ESRRB: variants seen among roughly 807,000 people sequenced by gnomAD.
ESRRB encodes the protein estrogen related receptor beta, also known as steroid hormone receptor ERR2.
In ESRRB, 16 loss-of-function variants were observed where a neutral mutation model predicts 46.0. That is an observed-to-expected ratio of 0.35 (90% confidence interval 0.24 to 0.53). ESRRB has a LOEUF of 0.53. Among genes scored for constraint, ESRRB ranks in the 20% least tolerant of loss-of-function variants. ESRRB has a pLI of 0.93. For synonymous variants in ESRRB, 246 were observed against 259.6 expected, an observed-to-expected ratio of 0.95 and a Z score of 0.50; for missense variants, 488 against 607.4, an observed-to-expected ratio of 0.80 and a Z score of 2.07.
At chr14:76,340,269 C>T (rs963488537) in intron 1 of ESRRB, among the ~76,000 whole-genome samples, 13 of 152,218 alleles carry the variant, frequency 8.5e-5, no homozygotes, top group African/African-American at 2.4e-4. Context: ...TGGAACGAGG[C>T]GCAGAAAGTG....
At chr14:76,396,900 G>A (rs1292802695) in intron 1 of ESRRB, among the ~76,000 whole-genome samples, 6 of 152,236 alleles carry the variant, frequency 3.9e-5, no homozygotes, top group Admixed American at 2.6e-4. Flanking sequence ...GAGCCAGGCC[G>A]AGGGAGTCGC....
chr14:76,322,869 T>C (rs1033272827), intron 1 of ESRRB, among the ~76,000 whole-genome samples: 9 of 152,210 alleles, frequency 5.9e-5, no homozygotes, highest in African/African-American at 2.2e-4. Flanking sequence ...ATCACATTGC[T>C]GAGGAGAGTT....
intron 1 of ESRRB, among the ~76,000 whole-genome samples, chr14:76,343,338 T>C (rs1272672602): frequency 6.6e-6 from 1 of 152,230 alleles, no homozygotes; most frequent in Admixed American, 6.5e-5. Flanking sequence ...ATGATGCCAA[T>C]CAGTGTTTGA....
At chr14:76,377,399 T>A (rs923958331) in intron 1 of ESRRB, among the ~76,000 whole-genome samples, 2 of 152,166 alleles carry the variant, frequency 1.3e-5, no homozygotes. Flanking sequence ...CCGCTCCACC[T>A]GCTCGGGTAC....
rs879285347 is a variant in ESRRB, at chr14:76,347,438, A to AGAC, written c.2+36522_2+36523insGAC. ...AAGTGTGTGTGTGTGTGTGTGTCACACACACACACCGAGAAAACTAAATGA... is the reference window on the plus strand; with the variant it reads ...AAGTGTGTGTGTGTGTGTGTGTCACAGACCACACACACCGAGAAAACTAAATGA... On this transcript the variant is annotated intron_variant, in intron 1 of 6. Coordinates refer to the ESRRB transcript ENST00000512784. Among the ~76,000 whole-genome samples, 39 of 52,886 alleles carry AGAC rather than the reference A, an allele frequency of 7.4e-4. 2 individuals are homozygous for AGAC. The highest frequency in any genetic ancestry group is 1.7e-3 in the African/African-American group (37 of 21,272). The allele number at this position is 52,886 out of a possible 152,430, so 34.7% of individuals were successfully genotyped here. A position where few individuals can be genotyped will look rare whatever the true frequency, so the allele number is the denominator to read the frequency against.
At chr14:76,351,986 T>TAAAAAAAAAAAA (rs201356393) in intron 1 of ESRRB, among the ~76,000 whole-genome samples, 3 of 91,792 alleles carry the variant, frequency 3.3e-5, no homozygotes, top group East Asian at 2.9e-4. Flanking sequence ...CCCAGTCTCT[T>TAAAAAAAAAAAA]AAAAAAAAAA....
At chr14:76,461,558 G>A (rs922378645) in intron 2 of ESRRB, among the ~76,000 whole-genome samples, 3 of 151,534 alleles carry the variant, frequency 2.0e-5, no homozygotes, top group Non-Finnish European at 4.4e-5. Context: ...ACCCATGCTG[G>A]AGTGAAGTGG....
intron 1 of ESRRB, among the ~76,000 whole-genome samples, chr14:76,343,952 T>C (rs1212554625): frequency 1.3e-5 from 2 of 152,202 alleles, no homozygotes; most frequent in African/African-American, 4.8e-5. Context: ...TTAATTTAAG[T>C]GTAATGTGAA....
intron 1 of ESRRB, among the ~76,000 whole-genome samples, chr14:76,432,152 C>T (rs1331396588): frequency 6.6e-6 from 1 of 152,190 alleles, no homozygotes; most frequent in East Asian, 1.9e-4. Context: ...GTTTTGCTCC[C>T]AGGGAGACAT....
intron 1 of ESRRB, among the ~76,000 whole-genome samples, chr14:76,418,416 C>A (rs1156315278): frequency 6.6e-6 from 1 of 152,148 alleles, no homozygotes; most frequent in East Asian, 1.9e-4. Context: ...AGAAACTTAC[C>A]TTGGTACATT....
intron 1 of ESRRB, among the ~76,000 whole-genome samples, chr14:76,393,008 G>C (rs1393851340): frequency 6.6e-6 from 1 of 152,266 alleles, no homozygotes; most frequent in Non-Finnish European, 1.5e-5. Context: ...ATGTGGGGCA[G>C]GGAGGCACTG....
chr14:76,366,752 C>T (rs1466881740), upstream of ESRRB, among the ~76,000 whole-genome samples: 1 of 152,112 alleles, frequency 6.6e-6, no homozygotes, highest in Non-Finnish European at 1.5e-5. Flanking sequence ...ATGGTTCTAC[C>T]GCTTGGCTTT....
chr14:76,484,895 C>T (rs929922191), intron 5 of ESRRB, among the ~76,000 whole-genome samples: 4 of 152,190 alleles, frequency 2.6e-5, no homozygotes, highest in Non-Finnish European at 4.4e-5. Context: ...AGCCCCTTCA[C>T]GGGATTGCTG....
intron 1 of ESRRB, among the ~76,000 whole-genome samples, chr14:76,325,198 C>T (rs573405985): frequency 1.2e-4 from 18 of 152,212 alleles, no homozygotes; most frequent in African/African-American, 2.6e-4. Flanking sequence ...TCAGGTGATC[C>T]GCCCACCTTG....
chr14:76,322,605 A>G (rs1883880798), intron 1 of ESRRB, among the ~76,000 whole-genome samples: 1 of 152,154 alleles, frequency 6.6e-6, no homozygotes, highest in South Asian at 2.1e-4. Flanking sequence ...TTGAGACCTG[A>G]ACCTGGTAGT....
chr14:76,375,141 A>AT (rs1295215387), upstream of ESRRB, among the ~76,000 whole-genome samples: 5 of 148,070 alleles, frequency 3.4e-5, no homozygotes, highest in East Asian at 1.1e-3. Context: ...CCCCTTTTAA[A>AT]TAATTCTATA....
Position 76,408,278 on chromosome 14 carries a change from A to G in ESRRB, c.51-31063A>G, listed in dbSNP as rs371317255. On this transcript the variant is annotated intron_variant, in intron 1 of 6. Transcript: ENST00000644823. ...TTCCCATCTGTCCTTAAAGAACTTA[A>G]CTGTTAAATGATGTCCCAGGCTGGG... is the stretch of plus-strand genomic sequence containing the variant. Among the ~76,000 whole-genome samples the G allele has an allele frequency of 3.0e-4, 45 of 152,236 alleles. 1 individual carries two copies. In the South Asian group the frequency reaches 8.7e-3, roughly 30 times the overall value.
intron 1 of ESRRB, among the ~76,000 whole-genome samples, chr14:76,314,501 C>T (rs1343197464): frequency 1.3e-5 from 2 of 152,160 alleles, no homozygotes; most frequent in Non-Finnish European, 2.9e-5. Flanking sequence ...AATGGATTCT[C>T]TCCCACTTTG....
intron 5 of ESRRB, among the ~76,000 whole-genome samples, chr14:76,489,945 C>T (rs1162926729): frequency 6.6e-6 from 1 of 152,244 alleles, no homozygotes; most frequent in East Asian, 1.9e-4. Context: ...CCATGACCAG[C>T]ACCCTAGCAT....
Sources: allele counts gnomAD v4.1 joint callset (sites outside exome capture counted in the v4.1 genomes callset), GRCh38; gene constraint gnomAD v4.1.1; transcripts MANE v1.5; gene names NCBI Gene and HGNC (gene_info 2026-07-23, HGNC 2026-07-21).